The following DNAH12 variants were observed in gnomAD, a reference collection of about 807,000 sequenced individuals.
The protein encoded by DNAH12 is axonemal beta dynein heavy chain 12.
Under a neutral mutation model 371.5 loss-of-function variants are expected in DNAH12, and 285 were observed. That is an observed-to-expected ratio of 0.77 (90% CI 0.70 to 0.85). The LOEUF (loss-of-function observed/expected upper bound fraction) is 0.85. DNAH12 is among the 40% of genes least tolerant of loss of function. The probability of loss-of-function intolerance (pLI) is 0.00; values close to 1 mark genes in which losing one functional copy is unlikely to be tolerated. For synonymous variants in DNAH12, 1,200 were observed against 1,213.0 expected (o/e 0.99, Z 0.22); for missense variants, 3,611 against 3,689.4 (o/e 0.98, Z 0.55).
At chr3:57,511,885 A>T (rs1278224728) in intron 4 of DNAH12, among the ~76,000 whole-genome samples, 1 of 152,154 alleles carries the variant, frequency 6.6e-6, no homozygotes, top group African/African-American at 2.4e-5. Flanking sequence ...AGATAAAATA[A>T]TTCATACCTT....
the DNAH12 span, among the ~76,000 whole-genome samples, chr3:57,551,321 G>C: frequency 6.6e-6 from 1 of 151,482 alleles, no homozygotes; most frequent in Non-Finnish European, 1.5e-5. Context: ...GCCCAGGTTG[G>C]AGTGCAGTGG....
intron 45 of DNAH12, among the ~76,000 whole-genome samples, chr3:57,391,312 T>C (rs1282486767): frequency 6.6e-6 from 1 of 152,108 alleles, no homozygotes; most frequent in Admixed American, 6.5e-5. Flanking sequence ...CCCAAATTCC[T>C]CCTGTATGAT....
intron 60 of DNAH12, among the ~76,000 whole-genome samples, chr3:57,351,881 G>A (rs1553660471): frequency 6.6e-6 from 1 of 152,070 alleles, no homozygotes; most frequent in Non-Finnish European, 1.5e-5. Flanking sequence ...TTAATACTCT[G>A]TGAACTTTTC....
intron 69 of DNAH12, among the ~76,000 whole-genome samples, chr3:57,302,634 G>T (rs1481915765): frequency 7.6e-6 from 1 of 132,242 alleles, no homozygotes; most frequent in Admixed American, 8.2e-5. Flanking sequence ...GGAGTGCAGC[G>T]GCATGATCTC....
chr3:57,545,733 G>T (rs1035615585), upstream of DNAH12, among the ~76,000 whole-genome samples: 1 of 151,996 alleles, frequency 6.6e-6, no homozygotes, highest in Non-Finnish European at 1.5e-5. Context: ...GCACCAATAA[G>T]GGAACTAGCA....
At chr3:57,425,910 T>C (rs570684266) in intron 34 of DNAH12, among the ~76,000 whole-genome samples, 1 of 152,054 alleles carries the variant, frequency 6.6e-6, no homozygotes, top group East Asian at 1.9e-4. Flanking sequence ...ACAAAAATAA[T>C]ATGATGTAAT....
At chr3:57,555,007 A>C in the DNAH12 span, among the ~76,000 whole-genome samples, 3 of 151,912 alleles carry the variant, frequency 2.0e-5, no homozygotes, top group Admixed American at 6.6e-5. Context: ...GAATTTTGGG[A>C]GGGTAAGGCG....
At chr3:57,525,756 CTTTTT>C (rs776184662) in intron 2 of DNAH12, among the ~76,000 whole-genome samples, 3 of 76,272 alleles carry the variant, frequency 3.9e-5, no homozygotes, top group Admixed American at 4.6e-4. Context: ...ATGTCTTATT[CTTTTT>C]TTTTTTTTTT....
intron 60 of DNAH12, among the ~76,000 whole-genome samples, chr3:57,342,651 C>CAA (rs71088061): frequency 0.12 from 4,040 of 35,012 alleles, 684 homozygotes; most frequent in African/African-American, 0.32. Context: ...GACTGAGACT[C>CAA]AAAAAAAAAA....
chr3:57,377,405 A>G (rs2063302347), intron 52 of DNAH12, among the ~76,000 whole-genome samples, 183 bp from the exon 53 acceptor site: 1 of 152,130 alleles, frequency 6.6e-6, no homozygotes, highest in African/African-American at 2.4e-5. Context: ...TAAAATAGAT[A>G]AATCTGGACT....
At chr3:57,464,796 T>A (rs1385260861) in intron 17 of DNAH12, among the ~76,000 whole-genome samples, 1 of 152,200 alleles carries the variant, frequency 6.6e-6, no homozygotes, top group Non-Finnish European at 1.5e-5. Flanking sequence ...GAGTTAGCAC[T>A]ATAGATTCTA....
At chr3:57,534,756 G>A (rs976859650) in intron 2 of DNAH12, among the ~76,000 whole-genome samples, 64 of 152,180 alleles carry the variant, frequency 4.2e-4, no homozygotes, top group Middle Eastern at 3.4e-3. Context: ...TGATCCACCC[G>A]CCTTGGCCTC....
At chr3:57,305,162 A>C (rs1484701015) in intron 69 of DNAH12, among the ~76,000 whole-genome samples, 1 of 152,154 alleles carries the variant, frequency 6.6e-6, no homozygotes, top group Non-Finnish European at 1.5e-5. Context: ...AAACAGTCTG[A>C]GGTGCCTGAC....
At chr3:57,540,615 G>T (rs545981654) in intron 2 of DNAH12, among the ~76,000 whole-genome samples, 2 of 152,242 alleles carry the variant, frequency 1.3e-5, no homozygotes, top group South Asian at 4.1e-4. Context: ...GATAATGCAA[G>T]ATAATGAAAA....
Position 57,309,605 on chromosome 3 carries a change from T to C in DNAH12, c.11085+61A>G, listed in dbSNP as rs376326862. 224 of 1,355,018 alleles carry C rather than the reference T, an allele frequency of 1.7e-4. 1 individual carries two copies. The East Asian group carries it at 2.6e-3, about 15-fold the overall frequency. The allele number at this position is 1,355,018 out of a possible 1,614,324, so 83.9% of individuals were successfully genotyped here. On this transcript the variant is annotated intron_variant, in intron 68 of 73. Transcript: ENST00000495027. Reference sequence around the variant, plus strand: ...AATGCTAGTACATGGAGTTTTCAGATTGTCATTTCAGTATCATTTTTATTT... The same window carrying C: ...AATGCTAGTACATGGAGTTTTCAGACTGTCATTTCAGTATCATTTTTATTT...
intron 45 of DNAH12, among the ~76,000 whole-genome samples, chr3:57,388,023 A>T (rs905574116): frequency 1.1e-4 from 17 of 152,154 alleles, no homozygotes; most frequent in East Asian, 9.7e-4. Flanking sequence ...TTCTACTATA[A>T]TGTCCAAAGT....
chr3:57,400,788 CA>C (rs1353160177), intron 43 of DNAH12, among the ~76,000 whole-genome samples: 1 of 152,126 alleles, frequency 6.6e-6, no homozygotes, highest in Non-Finnish European at 1.5e-5. Context: ...TTGAATACCC[CA>C]CTTTCAATAA....
At chr3:57,470,700 A>G (rs1275632976) in intron 15 of DNAH12, 64 bp from the exon 16 acceptor site, 4 of 1,303,714 alleles carry the variant, frequency 3.1e-6, no homozygotes, top group Admixed American at 5.4e-5. Flanking sequence ...ATAAAATCCT[A>G]TGATACTGTG....
At chr3:57,367,330 GATA>G (rs1202181591) in intron 56 of DNAH12, among the ~76,000 whole-genome samples, 99,257 of 151,492 alleles carry the variant, frequency 0.66, 33,197 homozygotes, top group Non-Finnish European at 0.75. Flanking sequence ...GTCTCAAAAT[GATA>G]ATAATAACAT....
Sources: allele counts gnomAD v4.1 joint callset (sites outside exome capture counted in the v4.1 genomes callset), GRCh38; gene constraint gnomAD v4.1.1; transcripts MANE v1.5; gene names NCBI Gene and HGNC (gene_info 2026-07-23, HGNC 2026-07-21).